Variants in ZFHX3 observed in about 807,000 individuals in gnomAD.
ZFHX3 encodes zinc finger homeobox 3, also known as zinc finger homeobox protein 3.
In ZFHX3, 42 loss-of-function variants were observed where a neutral mutation model predicts 279.1. The ratio of observed to expected loss-of-function variants is 0.15; its 90% CI spans 0.12 to 0.19. ZFHX3 has a LOEUF of 0.19. ZFHX3 is among the 10% of genes least tolerant of loss of function. The pLI is 1.00. For synonymous variants in ZFHX3, 2,293 were observed against 1,957.8 expected, an observed-to-expected ratio of 1.17 and a Z score of -4.52; for missense variants, 4,981 against 4,754.0, an observed-to-expected ratio of 1.05 and a Z score of -1.40.
intron 5 of ZFHX3, among the ~76,000 whole-genome samples, chr16:73,183,829 G>A (rs1159957055): frequency 6.6e-6 from 1 of 151,918 alleles, no homozygotes; most frequent in East Asian, 1.9e-4. Flanking sequence ...GGGAAGGTGA[G>A]GTCGGCTCCT....
chr16:72,996,233 G>C (rs1442969493), intron 1 of ZFHX3, among the ~76,000 whole-genome samples: 1 of 152,144 alleles, frequency 6.6e-6, no homozygotes, highest in Non-Finnish European at 1.5e-5. Flanking sequence ...GGAGTGAGCT[G>C]AGCTCGTGCC....
intron 1 of ZFHX3, among the ~76,000 whole-genome samples, chr16:73,785,271 AG>A (rs1959609468): frequency 6.6e-6 from 1 of 152,170 alleles, no homozygotes. Flanking sequence ...TTTTTCCAAG[AG>A]TTAGTAACAT....
intron 4 of ZFHX3, among the ~76,000 whole-genome samples, chr16:72,881,604 C>T (rs748792845): frequency 1.4e-4 from 21 of 152,182 alleles, no homozygotes; most frequent in Admixed American, 3.3e-4. Flanking sequence ...TTCCTAAAGA[C>T]GGTACAGGTA....
intron 8 of ZFHX3, among the ~76,000 whole-genome samples, chr16:73,071,681 G>A (rs1389288267): frequency 1.3e-5 from 2 of 152,216 alleles, no homozygotes; most frequent in Non-Finnish European, 2.9e-5. Flanking sequence ...TCTGGGGTTT[G>A]GCTGCTCCTG....
chr16:73,301,638 C>A (rs2015057965), intron 4 of ZFHX3, among the ~76,000 whole-genome samples: 1 of 152,120 alleles, frequency 6.6e-6, no homozygotes, highest in South Asian at 2.1e-4. Context: ...AATGTGGGCA[C>A]CTCAACAAGG....
chr16:73,329,462 T>C (rs577591235), intron 3 of ZFHX3, among the ~76,000 whole-genome samples: 2 of 152,392 alleles, frequency 1.3e-5, no homozygotes, highest in African/African-American at 2.4e-5. Context: ...CATGTCCAGA[T>C]GCCTCGACCG....
At chr16:73,628,365 G>C (rs543700034) in intron 2 of ZFHX3, among the ~76,000 whole-genome samples, 64 of 152,184 alleles carry the variant, frequency 4.2e-4, no homozygotes, top group African/African-American at 1.3e-3. Context: ...ATTTCATAAA[G>C]CAACCCTATT....
At chr16:73,503,296 C>T (rs1279262128) in intron 2 of ZFHX3, among the ~76,000 whole-genome samples, 1 of 152,162 alleles carries the variant, frequency 6.6e-6, no homozygotes, top group Non-Finnish European at 1.5e-5. Flanking sequence ...GCATTTGCAG[C>T]CCAGGGTAAA....
Position 72,798,194 on chromosome 16 carries a change from CTCTTCCTCCTTG to C in ZFHX3, c.4476_4487del (p.Asp1492_Glu1495del). Reference sequence around the variant, plus strand: ...GGCTCTGTTTATCTTCCAAGTCACTCTCTTCCTCCTTGTCTTCCTCAACAATTATGGTATGGT... The same window carrying C: ...GGCTCTGTTTATCTTCCAAGTCACTCTCTTCCTCAACAATTATGGTATGGT... On this transcript the variant is annotated inframe_deletion, in exon 9 of 10. Transcript: ENST00000268489. 1 of 1,614,218 alleles carries C rather than the reference CTCTTCCTCCTTG, an allele frequency of 6.2e-7. No homozygotes were observed. The highest frequency in any genetic ancestry group is 1.1e-5 in the South Asian group (1 of 91,084).
intron 3 of ZFHX3, among the ~76,000 whole-genome samples, chr16:72,924,857 G>T (rs1959356991): frequency 6.6e-6 from 1 of 152,062 alleles, no homozygotes; most frequent in African/African-American, 2.4e-5. Flanking sequence ...AACCTCCTGG[G>T]TTTTCTTCCT....
At chr16:73,669,371 A>ATG (rs1485751415) in intron 2 of ZFHX3, among the ~76,000 whole-genome samples, 1 of 152,262 alleles carries the variant, frequency 6.6e-6, no homozygotes, top group East Asian at 1.9e-4. Flanking sequence ...GTATTTTCTA[A>ATG]TGTGGATCTG....
In ZFHX3 at chr16:73,437,799, G is replaced by A. The variant is rs74028651; in HGVS notation, c.-1291+18204C>T. Among the ~76,000 whole-genome samples, 49 of 152,186 alleles carry A rather than the reference G, an allele frequency of 3.2e-4. 1 individual carries two copies. The highest frequency in any genetic ancestry group is 3.4e-3 in the Middle Eastern group (1 of 294). ...ATTAATCAAAAGAAAGTCAAATCTC[G>A]CTATTTTCCAGGTCTGCCCTGTTTG... On this transcript the variant is annotated intron_variant, in intron 3 of 17. Transcript: ENST00000641206.
chr16:72,883,489 A>G (rs1436262204), intron 4 of ZFHX3, among the ~76,000 whole-genome samples: 2 of 152,202 alleles, frequency 1.3e-5, no homozygotes, highest in African/African-American at 2.4e-5. Flanking sequence ...CCGCCAAAAC[A>G]GCCAGAGACA....
At chr16:73,478,341 G>A (rs928030962) in intron 2 of ZFHX3, among the ~76,000 whole-genome samples, 7 of 151,268 alleles carry the variant, frequency 4.6e-5, no homozygotes, top group South Asian at 2.1e-4. Context: ...CTTGAACCCT[G>A]GACCCTCAGA....
chr16:73,340,991 T>C (rs933070324), intron 3 of ZFHX3, among the ~76,000 whole-genome samples: 3 of 152,070 alleles, frequency 2.0e-5, no homozygotes, highest in Non-Finnish European at 4.4e-5. Context: ...AGGAGAAAAC[T>C]GTTTGCAATT....
At chr16:73,114,821 T>C (rs550813546) in intron 7 of ZFHX3, among the ~76,000 whole-genome samples, 16 of 152,318 alleles carry the variant, frequency 1.1e-4, no homozygotes, top group African/African-American at 3.8e-4. Context: ...TGCTATTTCC[T>C]AATTTTAGTT....
At chr16:72,902,572 G>C (rs180885086) in intron 3 of ZFHX3, among the ~76,000 whole-genome samples, 400 of 152,320 alleles carry the variant, frequency 2.6e-3, no homozygotes, top group Non-Finnish European at 4.9e-3. Flanking sequence ...AAACAACATG[G>C]TACCAAATTA....
At chr16:73,788,677 C>T (rs1041010263) in intron 1 of ZFHX3, among the ~76,000 whole-genome samples, 15 of 151,636 alleles carry the variant, frequency 9.9e-5, no homozygotes, top group Admixed American at 4.0e-4. Flanking sequence ...ACCTCAGTTT[C>T]TCTATCTACA....
chr16:73,766,908 A>C, intron 1 of ZFHX3, among the ~76,000 whole-genome samples: 1 of 151,884 alleles, frequency 6.6e-6, no homozygotes. Context: ...GATTGGTGCA[A>C]AGGTAATTGT....
Sources: allele counts gnomAD v4.1 joint callset (sites outside exome capture counted in the v4.1 genomes callset), GRCh38; gene constraint gnomAD v4.1.1; transcripts MANE v1.5; gene names NCBI Gene and HGNC (gene_info 2026-07-23, HGNC 2026-07-21).